Variants in PCDHGB1 observed in about 807,000 individuals in gnomAD.
PCDHGB1 encodes protocadherin gamma-B1.
PCDHGB1 carries 34 observed loss-of-function variants against 56.6 expected under a neutral mutation model. The ratio of observed to expected loss-of-function variants is 0.60; its 90% CI spans 0.46 to 0.80. The LOEUF (loss-of-function observed/expected upper bound fraction) is 0.80, where lower values mean the gene tolerates loss of function less well. Among genes scored for constraint, PCDHGB1 ranks in the 30% least tolerant of loss-of-function variants. The pLI, the probability that PCDHGB1 is intolerant of heterozygous loss-of-function variation, is 0.00. For synonymous variants in PCDHGB1, 561 were observed against 505.9 expected (o/e 1.11, Z -1.46); for missense variants, 1,278 against 1,204.6 (o/e 1.06, Z -0.90).
intron 1 of PCDHGB1, chr5:141,400,694 C>T: frequency 1.3e-6 from 1 of 763,776 alleles, no homozygotes; most frequent in South Asian, 1.9e-5. Context: ...GTTTTTATGT[C>T]GCATAAAAGA....
chr5:141,453,022 T>C (rs1222692572), intron 1 of PCDHGB1, among the ~76,000 whole-genome samples: 1 of 152,230 alleles, frequency 6.6e-6, no homozygotes, highest in Non-Finnish European at 1.5e-5. Flanking sequence ...ATGTGATTCA[T>C]TAAAATAAAG....
rs746242389 is a variant in PCDHGB1 at position 141,491,254 on chromosome 5, G to C, written c.2410-3553G>C. 3 of 1,614,080 alleles carry C rather than the reference G, an allele frequency of 1.9e-6. No individual in the cohort carries two copies. In the African/African-American group the frequency reaches 4.0e-5, roughly 22 times the overall value. On this transcript the variant is annotated intron_variant, in intron 1 of 3. Transcript: ENST00000523390. This position sits in a 1 kb window ranked among gnomAD's most constrained non-coding sequence, Gnocchi z 6.9. ...GCTGGTTCTGGAGGATGAGGACCCT[G>C]AGGAAATGCCCAAATCCAGTGACTT...
At chr5:141,388,940 C>A (rs762814414) in intron 1 of PCDHGB1, 1 of 1,613,966 alleles carries the variant, frequency 6.2e-7, no homozygotes, top group South Asian at 1.1e-5. Context: ...CTCTACCCAA[C>A]CTAATTATGG....
intron 1 of PCDHGB1, chr5:141,484,853 G>T (rs747582810): frequency 2.5e-4 from 64 of 251,466 alleles, no homozygotes; most frequent in Non-Finnish European, 4.3e-4. Flanking sequence ...GGGTTTTTTG[G>T]GGGGTGGGGG....
At chr5:141,420,076 TC>T (rs2096464805) in intron 1 of PCDHGB1, 2 of 1,613,956 alleles carry the variant, frequency 1.2e-6, no homozygotes, top group East Asian at 2.2e-5. Flanking sequence ...GACCTGTGGG[TC>T]CCCCCAACTA....
chr5:141,448,851 A>T (rs1374003271), intron 1 of PCDHGB1, among the ~76,000 whole-genome samples: 1 of 152,124 alleles, frequency 6.6e-6, no homozygotes, highest in Admixed American at 6.5e-5. Context: ...AGGCTGAGGC[A>T]GGAGAATGGC....
chr5:141,393,634 A>G (rs1589198700), intron 1 of PCDHGB1: 3 of 1,613,848 alleles, frequency 1.9e-6, no homozygotes, highest in African/African-American at 2.7e-5. Flanking sequence ...GAGGGAATCA[A>G]CGGAAAAGTG....
chr5:141,403,969 T>G (rs1437416293), intron 1 of PCDHGB1: 1 of 1,613,690 alleles, frequency 6.2e-7, no homozygotes, highest in African/African-American at 1.3e-5. Context: ...CGGTGGAAGA[T>G]GTAAATGACA....
Position 141,485,757 on chromosome 5 carries a change from T to A in PCDHGB1, c.2410-9050T>A. The A allele has an allele frequency of 6.2e-7, 1 of 1,614,174 alleles. No homozygotes were observed. The highest frequency in any genetic ancestry group is 8.5e-7 in the Non-Finnish European group (1 of 1,180,028). The stretch of plus-strand genomic sequence containing the variant: ...GACGGCAGCCTGGTCCCAGAGCTGC[T>A]CCTGGAGAAGCCTTTGGATCGAGAG... On this transcript the variant is annotated intron_variant, in intron 1 of 3. Transcript: ENST00000523390. The surrounding 1 kb of genome is among the most constrained non-coding windows in gnomAD (Gnocchi z 5.7).
chr5:141,415,756 T>C, intron 1 of PCDHGB1: 2 of 1,387,344 alleles, frequency 1.4e-6, no homozygotes, highest in Non-Finnish European at 1.9e-6. Flanking sequence ...TTTTTTTTTT[T>C]TTTTTTTTTT....
At chr5:141,506,172 TG>T (rs2099850913) in intron 3 of PCDHGB1, among the ~76,000 whole-genome samples, 1 of 152,128 alleles carries the variant, frequency 6.6e-6, no homozygotes, top group South Asian at 2.1e-4. Flanking sequence ...CAGCCTAAGC[TG>T]GGCGTGGTGG....
At chr5:141,457,071 C>T in intron 1 of PCDHGB1, among the ~76,000 whole-genome samples, 1 of 152,188 alleles carries the variant, frequency 6.6e-6, no homozygotes, top group Non-Finnish European at 1.5e-5. Context: ...TTGCCAGTAA[C>T]TATTATCCCT....
In PCDHGB1 at chr5:141,475,307, T is replaced by C. The variant is rs527879991; in HGVS notation, c.2410-19500T>C. The stretch of plus-strand genomic sequence containing the variant: ...GGTAGGGAAATTTCTTATTGCTCCC[T>C]GGTTCTTAAGAAATGAGAGCTAACA... On this transcript the variant is annotated intron_variant, in intron 1 of 3. Transcript: ENST00000523390. 2.8e-4 allele frequency among the ~76,000 whole-genome samples: 43 copies of C among 152,348 alleles called. 1 individual carries two copies. Among genetic ancestry groups the C allele is most frequent in the Admixed American group, 8.5e-4 (13 of 15,298 alleles).
rs749014540 is a variant in PCDHGB1, at chr5:141,360,217, G to A, written c.2409+7548G>A. ...CTTCCTGTTGTCTTTGTTCCCCGGG[G>A]CTCTCCCAGTCCAGATCCGCTATTC... On this transcript the variant is annotated intron_variant, in intron 1 of 3. Transcript: ENST00000523390. 3 of 1,613,398 alleles carry A rather than the reference G, an allele frequency of 1.9e-6. No individual in the cohort carries two copies. In the South Asian group the frequency reaches 3.3e-5, roughly 18 times the overall value.
At chr5:141,443,126 A>G (rs972396091) in intron 1 of PCDHGB1, among the ~76,000 whole-genome samples, 1 of 152,190 alleles carries the variant, frequency 6.6e-6, no homozygotes, top group Non-Finnish European at 1.5e-5. Context: ...AACCAGATTA[A>G]GAACACTATC....
intron 1 of PCDHGB1, chr5:141,364,821 T>C (rs1185593883): frequency 6.2e-7 from 1 of 1,613,886 alleles, no homozygotes; most frequent in Non-Finnish European, 8.5e-7. Flanking sequence ...GATGTGGGTG[T>C]GAACTCTCTC....
chr5:141,372,821 C>T (rs1174181623), intron 1 of PCDHGB1: 2 of 1,566,320 alleles, frequency 1.3e-6, no homozygotes, highest in Non-Finnish European at 1.7e-6. Flanking sequence ...TGAGTTTCTT[C>T]AAACCTTTCC....
intron 1 of PCDHGB1, chr5:141,377,949 A>G (rs1774488021): frequency 6.6e-6 from 1 of 152,208 alleles, no homozygotes; most frequent in Non-Finnish European, 1.5e-5. Context: ...TAGAGTGTGT[A>G]TCCAGGGCAA....
At position 141,370,360 on chromosome 5, in the gene PCDHGB1, C is replaced by T. The variant is rs775816151; in HGVS notation, c.2409+17691C>T. 2.2e-5 allele frequency: 34 copies of T among 1,516,792 alleles called. No homozygotes were observed. In the South Asian group the frequency reaches 4.3e-4, roughly 19 times the overall value. The allele number at this position is 1,516,792 out of a possible 1,614,324, so 94.0% of individuals were successfully genotyped here. Reference sequence around the variant, plus strand: ...TGGGATTATTTAAAGATCTCCTCTCCTCGGATTTAGAAAGGCAAAGGCGCA... The same window carrying T: ...TGGGATTATTTAAAGATCTCCTCTCTTCGGATTTAGAAAGGCAAAGGCGCA... On this transcript the variant is annotated intron_variant, in intron 1 of 3. Transcript: ENST00000523390.
Sources: gnomAD v4.1 joint callset for allele counts (sites outside exome capture counted in the v4.1 genomes callset) on GRCh38, gnomAD v4.1.1 for gene constraint, Gnocchi (gnomAD v3.1) non-coding constraint, MANE v1.5 for transcripts, NCBI Gene and HGNC (gene_info 2026-07-23, HGNC 2026-07-21) for gene names.